Variants in RAET1E observed in about 807,000 individuals in gnomAD.
The protein encoded by RAET1E is NKG2D ligand 4.
A neutral mutation model predicts 21.1 loss-of-function variants in RAET1E; 27 were observed. The ratio of observed to expected loss-of-function variants is 1.28; its 90% confidence interval spans 0.94 to 1.76. The LOEUF is 1.76. Ranked by LOEUF, RAET1E falls within the 40% of genes most tolerant of loss-of-function variation. The probability of loss-of-function intolerance (pLI) is 0.00; values close to 1 mark genes in which losing one functional copy is unlikely to be tolerated. For missense variants in RAET1E, 310 were observed against 311.3 expected, an observed-to-expected ratio of 1.00 and a Z score of 0.03; for synonymous variants, 113 against 115.0, an observed-to-expected ratio of 0.98 and a Z score of 0.11.
chr6:149,886,990 G>T lies in RAET1E; in HGVS notation c.*1508C>A, dbSNP rs1195282897. On this transcript the variant is annotated 3_prime_UTR_variant, in exon 6 of 6. Coordinates refer to ENST00000357183, the MANE Select transcript of RAET1E (RefSeq NM_001394057.1). ...GTGGCAGATATATTTTTTTCCCCTT[G>T]AATTGTAATACACCTTTCCCCAGGC... is the stretch of plus-strand genomic sequence containing the variant. Among the ~76,000 whole-genome samples, 2 of 152,110 alleles carry T rather than the reference G, an allele frequency of 1.3e-5. No homozygotes were observed. Among genetic ancestry groups the T allele is most frequent in the East Asian group, 3.9e-4 (2 of 5,188 alleles).
At position 149,889,869 on chromosome 6, in the gene RAET1E, C is replaced by A. The variant is rs954640581; in HGVS notation, c.346+16G>T. 7 of 1,609,386 alleles carry A rather than the reference C, an allele frequency of 4.3e-6. No individual in the cohort carries two copies. The highest frequency in any genetic ancestry group is 5.9e-6 in the Non-Finnish European group (7 of 1,176,590). ...TTACTGCCTGCCTCTGTTTGCCCAC[C>A]CCATTCCACACTTACCACTGGTCTT... On this transcript the variant is annotated intron_variant, in intron 4 of 5. Transcript: ENST00000357183.
chr6:149,885,874 G>A lies in RAET1E; in HGVS notation c.*2624C>T, dbSNP rs924797542. Among the ~76,000 whole-genome samples, 8 of 152,272 alleles carry A rather than the reference G, an allele frequency of 5.3e-5. No individual in the cohort carries two copies. The South Asian group carries it at 1.0e-3, about 20-fold the overall frequency. Reference sequence around the variant, plus strand: ...ACAAAAGTAATGTCCTCAAGTAAGCGCATCAATTTACTGACATACACCCAA... The same window carrying A: ...ACAAAAGTAATGTCCTCAAGTAAGCACATCAATTTACTGACATACACCCAA... On this transcript the variant is annotated 3_prime_UTR_variant, in exon 6 of 6. Coordinates refer to ENST00000357183, the MANE Select transcript of RAET1E (RefSeq NM_001394057.1).
chr6:149,889,942 C>G lies in RAET1E; in HGVS notation c.289G>C (p.Val97Leu). ...AGGAGCATCCTGAGGTCTCGCCCCA[C>G]TTCTCCCAGCGTTTGGGTCAATTCT... ...WGELTQTLGE[V>L]GRDLRMLLCD... Residue 97 changes from valine to leucine, a missense_variant, in exon 4 of 6, where the codon GTG becomes CTG. By Grantham distance (32) the Val-to-Leu change is conservative. Transcript: ENST00000357183. 6.2e-7 allele frequency: 1 copy of G among 1,614,138 alleles called. No individual in the cohort carries two copies. The highest frequency in any genetic ancestry group is 8.5e-7 in the Non-Finnish European group (1 of 1,180,032).
chr6:149,894,968 G>A (rs1478461414), intron 2 of RAET1E, among the ~76,000 whole-genome samples: 1 of 152,062 alleles, frequency 6.6e-6, no homozygotes, highest in South Asian at 2.1e-4. Flanking sequence ...TTGAGGGGAC[G>A]TGCTAATCCT....
rs574757436 is a variant in RAET1E, at chr6:149,897,007, A to G, written c.-320-975T>C. On this transcript the variant is annotated intron_variant, in intron 1 of 5. Coordinates refer to ENST00000357183, the MANE Select transcript of RAET1E (RefSeq NM_001394057.1). ...CTTCAGGCAATGGTTTCAAAACTGAAGTAATGGTTACATATGAAGTAGATT... is the reference window on the plus strand; with the variant it reads ...CTTCAGGCAATGGTTTCAAAACTGAGGTAATGGTTACATATGAAGTAGATT... Among the ~76,000 whole-genome samples the G allele has an allele frequency of 1.6e-4, 24 of 152,320 alleles. 1 individual carries two copies. Among genetic ancestry groups the G allele is most frequent in the African/African-American group, 5.8e-4 (24 of 41,580 alleles).
chr6:149,894,932 A>C (rs2114593937), intron 2 of RAET1E, among the ~76,000 whole-genome samples: 1 of 152,112 alleles, frequency 6.6e-6, no homozygotes, highest in Non-Finnish European at 1.5e-5. Context: ...TTGGTCTTTA[A>C]TGTTGGTGAC....
At position 149,888,504 on chromosome 6, in the gene RAET1E, C is replaced by A. The variant is rs1415211901; in HGVS notation, c.786G>T (p.Thr262=). The change falls in exon 6 of 6, where the codon ACG becomes ACT. Residue 262 remains threonine, a synonymous_variant. Coordinates refer to ENST00000357183, the MANE Select transcript of RAET1E (RefSeq NM_001394057.1). ...EWQAGLWPLR[T]S ...CTCTTGAGTCCTTACCAGACTAAGA[C>A]GTCCTCAAGGGCCAGAGACCAGCCT... 5 of 1,612,522 alleles carry A rather than the reference C, an allele frequency of 3.1e-6. No individual in the cohort carries two copies. The African/African-American group carries it at 6.7e-5, about 22-fold the overall frequency.
rs1391942005 is a variant in RAET1E, at chr6:149,889,687, T to C, written c.347-64A>G. Reference sequence around the variant, plus strand: ...GAGAAGTCCATCATCCTCCAATAGGTCAAGTGTTTCTCTGCACATTTAGGG... The same window carrying C: ...GAGAAGTCCATCATCCTCCAATAGGCCAAGTGTTTCTCTGCACATTTAGGG... On this transcript the variant is annotated intron_variant, in intron 4 of 5. Coordinates refer to ENST00000357183, the MANE Select transcript of RAET1E (RefSeq NM_001394057.1). 1.9e-6 allele frequency: 3 copies of C among 1,575,740 alleles called. 1 individual carries two copies. In the South Asian group the frequency reaches 3.5e-5, roughly 18 times the overall value.
rs1349890430 is a variant in RAET1E, at chr6:149,885,327, C to T, written c.*3171G>A. ...GCCCACTTGCAAAGCAGAGACAGTC[C>T]CCGAGACTCATTCAGCCTTTGCCTT... On this transcript the variant is annotated 3_prime_UTR_variant, in exon 6 of 6. Transcript: ENST00000357183. 6.6e-6 allele frequency among the ~76,000 whole-genome samples: 1 copy of T among 152,146 alleles called. No individual in the cohort carries two copies. Among genetic ancestry groups the T allele is most frequent in the East Asian group, 1.9e-4 (1 of 5,190 alleles).
At position 149,889,408 on chromosome 6, in the gene RAET1E, C is replaced by T. The variant is rs201123268; in HGVS notation, c.562G>A (p.Asp188Asn). ...EKYFRKLSKG[D>N]CDHWLREFLG... ...AATTCCCTGAGCCAGTGATCGCAGT[C>T]TCCCTTTGAGAGCTTCCTGAAATAC... Residue 188 changes from aspartate to asparagine, a missense_variant, in exon 5 of 6, where the codon GAC (aspartate) becomes AAC (asparagine). By Grantham distance (23) the Asp-to-Asn change is conservative (BLOSUM62 1). Transcript: ENST00000357183. The T allele has an allele frequency of 7.2e-5, 116 of 1,614,248 alleles. No homozygotes were observed. The East Asian group carries it at 2.5e-3, about 34-fold the overall frequency.
rs77999774 is a variant in RAET1E at position 149,897,355 on chromosome 6, G to A, written c.-321+666C>T. On this transcript the variant is annotated intron_variant, in intron 1 of 5. Coordinates refer to ENST00000357183, the MANE Select transcript of RAET1E (RefSeq NM_001394057.1). The stretch of plus-strand genomic sequence containing the variant: ...CGGCTGAAATGGAATTTTAATTGAA[G>A]TAAGAAGCGGGTGATAAGGAAAGTG... 2.5e-3 allele frequency among the ~76,000 whole-genome samples: 374 copies of A among 152,290 alleles called. 2 individuals are homozygous for A. Among genetic ancestry groups the A allele is most frequent in the African/African-American group, 8.7e-3 (363 of 41,554 alleles).
At chr6:149,891,860 T>A (rs951427209) in intron 2 of RAET1E, among the ~76,000 whole-genome samples, 1 of 152,178 alleles carries the variant, frequency 6.6e-6, no homozygotes, top group South Asian at 2.1e-4. Context: ...GTATTTCTCC[T>A]AATGTTACCC....
rs551041343 is a variant in RAET1E, at chr6:149,887,124, G to A, written c.*1374C>T. Reference sequence around the variant, plus strand: ...CAGGAAGCCCTTCAGCAGCCGACTCGGTTACCAGGATGAGGCTAGAGGCCA... The same window carrying A: ...CAGGAAGCCCTTCAGCAGCCGACTCAGTTACCAGGATGAGGCTAGAGGCCA... On this transcript the variant is annotated 3_prime_UTR_variant, in exon 6 of 6. Transcript: ENST00000357183. 5.3e-5 allele frequency among the ~76,000 whole-genome samples: 8 copies of A among 152,266 alleles called. No homozygotes were observed. Among genetic ancestry groups the A allele is most frequent in the Admixed American group, 2.6e-4 (4 of 15,300 alleles).
chr6:149,892,453 G>A (rs1016488681), intron 2 of RAET1E, among the ~76,000 whole-genome samples: 2 of 152,186 alleles, frequency 1.3e-5, no homozygotes, highest in African/African-American at 2.4e-5. Context: ...TTTCTCTAAC[G>A]ACCAGTGATG....
In RAET1E at chr6:149,887,981, C is replaced by T. The variant is rs1481800570; in HGVS notation, c.*517G>A. 6.6e-6 allele frequency among the ~76,000 whole-genome samples: 1 copy of T among 152,168 alleles called. No homozygotes were observed. Among genetic ancestry groups the T allele is most frequent in the Admixed American group, 6.5e-5 (1 of 15,284 alleles). On this transcript the variant is annotated 3_prime_UTR_variant, in exon 6 of 6. Coordinates refer to ENST00000357183, the MANE Select transcript of RAET1E (RefSeq NM_001394057.1). Reference sequence around the variant, plus strand: ...CTTTGGGAGGCCGAGGCGGGAGCATCACCTGAGGTCGGGAGTTCAAGACGA... The same window carrying T: ...CTTTGGGAGGCCGAGGCGGGAGCATTACCTGAGGTCGGGAGTTCAAGACGA...
In RAET1E at chr6:149,888,318, C is replaced by T; in HGVS notation, c.*180G>A. 1.0e-5 allele frequency: 8 copies of T among 792,734 alleles called. No homozygotes were observed. Among genetic ancestry groups the T allele is most frequent in the South Asian group, 1.6e-5 (1 of 63,180 alleles). The allele number at this position is 792,734 out of a possible 1,614,324, so 49.1% of individuals were successfully genotyped here. On this transcript the variant is annotated 3_prime_UTR_variant, in exon 6 of 6. Transcript: ENST00000357183. ...GGCGTTCCAGATCTTTGACCTTGCC[C>T]CTCCTCGAGAGGAGATGATTGCTTC...
In RAET1E at chr6:149,884,374, G is replaced by A. The variant is rs6905512; in HGVS notation, c.*4124C>T. 1.2e-5 allele frequency: 12 copies of A among 976,404 alleles called. No individual in the cohort carries two copies. Among genetic ancestry groups the A allele is most frequent in the Non-Finnish European group, 1.9e-5 (12 of 640,680 alleles). The allele number at this position is 976,404 out of a possible 1,614,324, so 60.5% of individuals were successfully genotyped here. A position where few individuals can be genotyped will look rare whatever the true frequency, so the allele number is the denominator to read the frequency against. ...ACTGGAATGCAGAGGCGCGATCTCC[G>A]CTCATTGCAGGCTCCGCCTCCACTT... On this transcript the variant is annotated 3_prime_UTR_variant, in exon 6 of 6. Coordinates refer to ENST00000357183, the MANE Select transcript of RAET1E (RefSeq NM_001394057.1).
chr6:149,886,052 G>A lies in RAET1E; in HGVS notation c.*2446C>T, dbSNP rs1029471438. The stretch of plus-strand genomic sequence containing the variant: ...GTCTGGAATTCGGTCAGGTAAGAAA[G>A]AAAATTCCAGGCAGAGATGAGCATG... On this transcript the variant is annotated 3_prime_UTR_variant, in exon 6 of 6. Transcript: ENST00000357183. 6.6e-5 allele frequency among the ~76,000 whole-genome samples: 10 copies of A among 152,174 alleles called. No individual in the cohort carries two copies. Among genetic ancestry groups the A allele is most frequent in the Non-Finnish European group, 8.8e-5 (6 of 68,016 alleles).
rs1360064344 is a variant in RAET1E, at chr6:149,884,815, C to T, written c.*3683G>A. 1.3e-5 allele frequency among the ~76,000 whole-genome samples: 2 copies of T among 152,168 alleles called. No individual in the cohort carries two copies. The highest frequency in any genetic ancestry group is 2.9e-5 in the Non-Finnish European group (2 of 68,026). Reference sequence around the variant, plus strand: ...CCAGCTGTGGGCAAGGGTATCCCTGCGGCAGGTCCAGAGCACTGAGGGTGG... The same window carrying T: ...CCAGCTGTGGGCAAGGGTATCCCTGTGGCAGGTCCAGAGCACTGAGGGTGG... On this transcript the variant is annotated 3_prime_UTR_variant, in exon 6 of 6. Transcript: ENST00000357183.
Sources: gnomAD v4.1 joint callset for allele counts (sites outside exome capture counted in the v4.1 genomes callset) on GRCh38, gnomAD v4.1.1 for gene constraint, MANE v1.5 for transcripts, NCBI Gene and HGNC (gene_info 2026-07-23, HGNC 2026-07-21) for gene names.